The following CPA6 variants were observed in gnomAD, a reference collection of about 807,000 sequenced individuals.
CPA6 encodes carboxypeptidase A6.
CPA6 carries 58 observed loss-of-function variants against 63.3 expected under a neutral mutation model. That is an observed-to-expected ratio of 0.92 (90% CI 0.74 to 1.14). The LOEUF (loss-of-function observed/expected upper bound fraction) is 1.14. Among genes scored for constraint, CPA6 ranks in the 50% most tolerant of loss-of-function variants. The pLI is 0.00. For synonymous variants in CPA6, 185 were observed against 179.0 expected (o/e 1.03, Z -0.27); for missense variants, 565 against 526.6 (o/e 1.07, Z -0.71).
intron 1 of CPA6, among the ~76,000 whole-genome samples, chr8:67,730,283 C>T (rs1479750386): frequency 6.6e-6 from 1 of 152,190 alleles, no homozygotes; most frequent in Non-Finnish European, 1.5e-5. Flanking sequence ...TAGGAAAACA[C>T]TTATGTTTAC....
chr8:67,720,385 G>A (rs983168077), intron 1 of CPA6, among the ~76,000 whole-genome samples: 4 of 152,208 alleles, frequency 2.6e-5, no homozygotes, highest in Non-Finnish European at 5.9e-5. Flanking sequence ...CAGGGGATGC[G>A]ATGGCTTGGC....
At chr8:67,571,374 A>T (rs1292982150) in intron 2 of CPA6, among the ~76,000 whole-genome samples, 1 of 152,216 alleles carries the variant, frequency 6.6e-6, no homozygotes, top group African/African-American at 2.4e-5. Context: ...TATGCAGAAC[A>T]TTCCAGCCAA....
chr8:67,625,955 T>A (rs1022960660), intron 1 of CPA6, among the ~76,000 whole-genome samples: 7 of 152,148 alleles, frequency 4.6e-5, no homozygotes, highest in Non-Finnish European at 5.9e-5. Context: ...TGGGGGCATA[T>A]TTTCCCCTTG....
At chr8:67,668,038 T>TA (rs1267937506) in intron 1 of CPA6, among the ~76,000 whole-genome samples, 2 of 152,218 alleles carry the variant, frequency 1.3e-5, no homozygotes, top group Non-Finnish European at 2.9e-5. Context: ...ACATGGGTTT[T>TA]AAAAAAGAGC....
chr8:67,453,124 T>C (rs372794002), intron 8 of CPA6, among the ~76,000 whole-genome samples: 20 of 151,898 alleles, frequency 1.3e-4, no homozygotes, highest in African/African-American at 4.6e-4. Context: ...TCTGTGTGGG[T>C]GGCAGGGGGG....
At chr8:67,559,264 T>A (rs2128974168) in intron 2 of CPA6, among the ~76,000 whole-genome samples, 1 of 152,348 alleles carries the variant, frequency 6.6e-6, no homozygotes, top group African/African-American at 2.4e-5. Context: ...TATCAAATTT[T>A]ATCTAGACTG....
At chr8:67,474,561 C>T (rs781668828) in intron 8 of CPA6, among the ~76,000 whole-genome samples, 1 of 152,100 alleles carries the variant, frequency 6.6e-6, no homozygotes, top group Admixed American at 6.6e-5. Flanking sequence ...CAGGAAGGCA[C>T]TTAGAAAGAG....
intron 1 of CPA6, among the ~76,000 whole-genome samples, chr8:67,727,928 A>G (rs1386539790): frequency 6.6e-6 from 1 of 152,034 alleles, no homozygotes; most frequent in African/African-American, 2.4e-5. Flanking sequence ...AACACAAAAA[A>G]TTAGCCTGGT....
chr8:67,432,426 C>G (rs1810048463), intron 9 of CPA6, among the ~76,000 whole-genome samples: 1 of 152,082 alleles, frequency 6.6e-6, no homozygotes, highest in Non-Finnish European at 1.5e-5. Flanking sequence ...TTGCCGTATG[C>G]TTCTCTTCCA....
At chr8:67,539,845 C>T (rs1812667445) in intron 2 of CPA6, among the ~76,000 whole-genome samples, 1 of 152,088 alleles carries the variant, frequency 6.6e-6, no homozygotes, top group Non-Finnish European at 1.5e-5. Flanking sequence ...TTTTCAACTC[C>T]ATCAGGTCAT....
Position 67,438,283 on chromosome 8 carries a change from GA to G in CPA6, c.839-4044del, listed in dbSNP as rs200137268. On this transcript the variant is annotated intron_variant, in intron 8 of 10. Coordinates refer to ENST00000297770, the MANE Select transcript of CPA6 (RefSeq NM_020361.5). ...TTGTGCACCAAACAAAAGAGATAAA[GA>G]GGAAAATATCAACACTTTGACAAAT... 8.1e-3 allele frequency among the ~76,000 whole-genome samples: 1,241 copies of G among 152,304 alleles called. 11 individuals are homozygous for G. Among genetic ancestry groups the G allele is most frequent in the African/African-American group, 0.028 (1,184 of 41,564 alleles).
intron 1 of CPA6, among the ~76,000 whole-genome samples, chr8:67,631,784 C>A (rs1815337818): frequency 6.6e-6 from 1 of 152,186 alleles, no homozygotes; most frequent in Admixed American, 6.5e-5. Flanking sequence ...TCTGCAGCTT[C>A]ACTCCTGTGG....
chr8:67,617,235 T>C (rs1201291770), intron 2 of CPA6, among the ~76,000 whole-genome samples: 1 of 152,234 alleles, frequency 6.6e-6, no homozygotes, highest in Admixed American at 6.5e-5. Context: ...ATGTTTCTAA[T>C]GTATTTCTTT....
chr8:67,478,625 A>C (rs1811293396), intron 8 of CPA6, among the ~76,000 whole-genome samples: 1 of 152,242 alleles, frequency 6.6e-6, no homozygotes, highest in African/African-American at 2.4e-5. Context: ...AGAAAACCTC[A>C]AACATCTGGT....
intron 8 of CPA6, among the ~76,000 whole-genome samples, chr8:67,437,560 A>G (rs1810189736): frequency 6.6e-6 from 1 of 152,240 alleles, no homozygotes; most frequent in South Asian, 2.1e-4. Context: ...GAGCCAGAGA[A>G]AACAAGAATT....
At chr8:67,610,059 CA>C (rs869272250) in intron 2 of CPA6, among the ~76,000 whole-genome samples, 1 of 147,438 alleles carries the variant, frequency 6.8e-6, no homozygotes. Flanking sequence ...CAAAACAAAA[CA>C]AAAACCCCCC....
intron 2 of CPA6, among the ~76,000 whole-genome samples, chr8:67,534,875 A>AC (rs1306513702): frequency 2.1e-3 from 183 of 88,258 alleles, no homozygotes; most frequent in African/African-American, 7.0e-3. Flanking sequence ...CTTGCCCCCC[A>AC]CCCCCCGACA....
At chr8:67,735,619 G>C (rs1381577325) in intron 1 of CPA6, 3 of 151,196 alleles carry the variant, frequency 2.0e-5, no homozygotes, top group Non-Finnish European at 4.4e-5. Flanking sequence ...ATTATATTCT[G>C]ATTTACAAAG....
At chr8:67,443,996 T>G (rs1017398718) in intron 8 of CPA6, among the ~76,000 whole-genome samples, 1 of 151,788 alleles carries the variant, frequency 6.6e-6, no homozygotes, top group Non-Finnish European at 1.5e-5. Context: ...CCGTAGTTTT[T>G]TTTTTTTTTT....
Sources: allele counts gnomAD v4.1 joint callset (sites outside exome capture counted in the v4.1 genomes callset), GRCh38; gene constraint gnomAD v4.1.1; transcripts MANE v1.5; gene names NCBI Gene and HGNC (gene_info 2026-07-23, HGNC 2026-07-21).